Variants in PCDH7 observed in about 807,000 individuals in gnomAD.
PCDH7 encodes protocadherin-7.
In PCDH7, 17 loss-of-function variants were observed where a neutral mutation model predicts 58.9. The ratio of observed to expected loss-of-function variants is 0.29; its 90% CI spans 0.20 to 0.43. The LOEUF is 0.43. PCDH7 is among the 20% of genes least tolerant of loss of function. The probability of loss-of-function intolerance (pLI) is 1.00; values close to 1 mark genes in which losing one functional copy is unlikely to be tolerated. For synonymous variants in PCDH7, 664 were observed against 616.4 expected (o/e 1.08, Z -1.14); for missense variants, 1,274 against 1,441.0 (o/e 0.88, Z 1.88).
At chr4:30,993,414 T>G (rs2109126864) in intron 3 of PCDH7, among the ~76,000 whole-genome samples, 1 of 152,322 alleles carries the variant, frequency 6.6e-6, no homozygotes, top group South Asian at 2.1e-4. Flanking sequence ...TAATCGAGAC[T>G]GAGTTAAAAC....
At chr4:30,763,049 C>A (rs898195455) in intron 1 of PCDH7, among the ~76,000 whole-genome samples, 3 of 152,086 alleles carry the variant, frequency 2.0e-5, no homozygotes, top group African/African-American at 7.2e-5. Context: ...TCAAGACCAG[C>A]CTGGCCAACA....
At position 31,061,161 on chromosome 4, in the gene PCDH7, G is replaced by A. The variant is rs190599229; in HGVS notation, c.*8-81312G>A. On this transcript the variant is annotated intron_variant, in intron 3 of 3. Transcript: ENST00000509759. ...TTCTAGAACATGTGTAGTTTACAAG[G>A]AAGTTTTAAATTACACTGTCAGTGT... 6.1e-3 allele frequency among the ~76,000 whole-genome samples: 929 copies of A among 151,768 alleles called. 5 individuals are homozygous for A. The highest frequency in any genetic ancestry group is 0.024 in the Middle Eastern group (7 of 294).
intron 3 of PCDH7, among the ~76,000 whole-genome samples, chr4:30,966,005 C>G (rs1748963795): frequency 6.6e-6 from 1 of 152,076 alleles, no homozygotes; most frequent in East Asian, 1.9e-4. Context: ...CTTCAGTGCA[C>G]ATAAGATGAT....
At chr4:30,931,917 A>T (rs1744652075) in intron 2 of PCDH7, among the ~76,000 whole-genome samples, 2 of 151,580 alleles carry the variant, frequency 1.3e-5, no homozygotes, top group Admixed American at 1.3e-4. Flanking sequence ...GAGTGATATA[A>T]TACTGATTCA....
chr4:30,953,720 T>G (rs1747579587), intron 3 of PCDH7, among the ~76,000 whole-genome samples: 1 of 152,172 alleles, frequency 6.6e-6, no homozygotes, highest in Non-Finnish European at 1.5e-5. Context: ...AGAAAGATTT[T>G]CAGTCTTTAC....
At chr4:30,872,449 A>G (rs1023442635) in intron 1 of PCDH7, among the ~76,000 whole-genome samples, 2 of 152,060 alleles carry the variant, frequency 1.3e-5, no homozygotes, top group Admixed American at 6.6e-5. Flanking sequence ...AATTTCATAC[A>G]TTTTATTGAA....
chr4:30,998,784 T>C (rs1752113810), intron 3 of PCDH7, among the ~76,000 whole-genome samples: 1 of 152,076 alleles, frequency 6.6e-6, no homozygotes, highest in African/African-American at 2.4e-5. Flanking sequence ...AGAATTTCTA[T>C]CGTAGAAAGT....
chr4:30,747,695 T>G (rs1014030332), intron 1 of PCDH7, among the ~76,000 whole-genome samples: 3 of 152,236 alleles, frequency 2.0e-5, no homozygotes, highest in Non-Finnish European at 4.4e-5. Context: ...GTTTATTTGT[T>G]TAGAAACTTT....
At chr4:30,834,434 A>G (rs1011883539) in intron 1 of PCDH7, among the ~76,000 whole-genome samples, 1 of 152,176 alleles carries the variant, frequency 6.6e-6, no homozygotes, top group Admixed American at 6.5e-5. Context: ...TAACTTGCCA[A>G]CGTCACACGG....
chr4:31,026,827 G>A (rs1330326242), intron 3 of PCDH7, among the ~76,000 whole-genome samples: 1 of 152,110 alleles, frequency 6.6e-6, no homozygotes, highest in Non-Finnish European at 1.5e-5. Context: ...TGGCCTAATG[G>A]TGCATGACTA....
chr4:30,959,468 C>T (rs1411308684), intron 3 of PCDH7, among the ~76,000 whole-genome samples: 1 of 152,028 alleles, frequency 6.6e-6, no homozygotes, highest in Non-Finnish European at 1.5e-5. Context: ...AGTATAACCT[C>T]TTATCACTGA....
intron 3 of PCDH7, among the ~76,000 whole-genome samples, chr4:31,037,032 T>C (rs1473130291): frequency 1.3e-5 from 2 of 152,090 alleles, no homozygotes; most frequent in Non-Finnish European, 2.9e-5. Flanking sequence ...GTCCCTCCCA[T>C]AGCACATGGG....
intron 1 of PCDH7, among the ~76,000 whole-genome samples, chr4:30,817,908 T>C (rs925234718): frequency 6.6e-6 from 1 of 152,098 alleles, no homozygotes; most frequent in East Asian, 1.9e-4. Context: ...CCTCCAGAGA[T>C]TTTTTTCATC....
intron 3 of PCDH7, among the ~76,000 whole-genome samples, chr4:31,137,841 CT>C (rs1344526503): frequency 1.3e-5 from 2 of 152,072 alleles, no homozygotes; most frequent in African/African-American, 4.8e-5. Flanking sequence ...TTTAAGAAAA[CT>C]CATTGGAAAT....
intron 1 of PCDH7, among the ~76,000 whole-genome samples, chr4:30,866,518 A>T (rs1294764643): frequency 6.6e-6 from 1 of 151,978 alleles, no homozygotes; most frequent in Non-Finnish European, 1.5e-5. Flanking sequence ...TTTTGGGCTG[A>T]TTGCTGTAAC....
At chr4:31,095,522 G>T (rs1485279838) in intron 3 of PCDH7, among the ~76,000 whole-genome samples, 4 of 151,934 alleles carry the variant, frequency 2.6e-5, no homozygotes, top group Non-Finnish European at 5.9e-5. Context: ...GTTTGTCTGG[G>T]TCTCTTTTTT....
intron 3 of PCDH7, among the ~76,000 whole-genome samples, chr4:31,124,414 T>A (rs1401304081): frequency 6.6e-6 from 1 of 152,206 alleles, no homozygotes; most frequent in Non-Finnish European, 1.5e-5. Flanking sequence ...TTCAGATACC[T>A]GAGTGTTAAC....
At chr4:30,979,264 T>G (rs1000305940) in intron 3 of PCDH7, among the ~76,000 whole-genome samples, 23 of 149,344 alleles carry the variant, frequency 1.5e-4, no homozygotes, top group Non-Finnish European at 3.1e-4. Context: ...AGGAGGAGCT[T>G]GCAGTGAGCC....
chr4:31,015,562 A>G lies in PCDH7; in HGVS notation c.*7+65347A>G, dbSNP rs572062242. Among the ~76,000 whole-genome samples, 82 of 152,282 alleles carry G rather than the reference A, an allele frequency of 5.4e-4. 1 individual carries two copies. The highest frequency in any genetic ancestry group is 1.0e-3 in the Non-Finnish European group (69 of 68,010). ...CCTTGCACCTCCATTAAGGCCCAGT[A>G]CAAATTCCAACTCCTTTATTAATTC... On this transcript the variant is annotated intron_variant, in intron 3 of 3. Coordinates refer to the PCDH7 transcript ENST00000509759.
Sources: allele counts gnomAD v4.1 joint callset (sites outside exome capture counted in the v4.1 genomes callset), GRCh38; gene constraint gnomAD v4.1.1; transcripts MANE v1.5; gene names NCBI Gene and HGNC (gene_info 2026-07-23, HGNC 2026-07-21).